DAB1: variants seen among roughly 807,000 people sequenced by gnomAD.
The protein encoded by DAB1 is DAB adaptor protein 1, also known as disabled homolog 1.
A neutral mutation model predicts 64.6 loss-of-function variants in DAB1; 15 were observed. The observed-to-expected ratio is 0.23, with a 90% confidence interval of 0.16 to 0.36. The LOEUF is 0.36. Among genes scored for constraint, DAB1 ranks in the 10% least tolerant of loss-of-function variants. DAB1 has a pLI of 1.00. For synonymous variants in DAB1, 235 were observed against 251.9 expected, an observed-to-expected ratio of 0.93 and a Z score of 0.64; for missense variants, 596 against 706.7, an observed-to-expected ratio of 0.84 and a Z score of 1.78.
chr1:57,289,486 GA>G (rs577152472), intron 2 of DAB1, among the ~76,000 whole-genome samples: 2 of 152,078 alleles, frequency 1.3e-5, no homozygotes, highest in Non-Finnish European at 2.9e-5. Context: ...ATGATGCATA[GA>G]AAACAAGGTT....
At chr1:57,145,472 C>T (rs1024957874) in intron 2 of DAB1, 43 bp from the exon 3 acceptor site, 3 of 1,603,228 alleles carry the variant, frequency 1.9e-6, no homozygotes, top group Non-Finnish European at 1.7e-6. Context: ...GCTGTGCAGA[C>T]CCCAGTGGCT....
chr1:57,343,295 G>C (rs1319401469), intron 1 of DAB1, among the ~76,000 whole-genome samples: 1 of 152,192 alleles, frequency 6.6e-6, no homozygotes, highest in Non-Finnish European at 1.5e-5. Flanking sequence ...CCTTGAGCTA[G>C]ATATAGAGCG....
At chr1:57,442,607 T>G (rs552154346) in intron 7 of DAB1, among the ~76,000 whole-genome samples, 1 of 152,332 alleles carries the variant, frequency 6.6e-6, no homozygotes, top group African/African-American at 2.4e-5. Context: ...TGGCATATTA[T>G]AGAAGATCTG....
At chr1:57,289,522 T>C (rs949761223) in intron 2 of DAB1, among the ~76,000 whole-genome samples, 2 of 152,148 alleles carry the variant, frequency 1.3e-5, no homozygotes, top group African/African-American at 4.8e-5. Context: ...GGGAACAAAA[T>C]AGACTGCCTC....
upstream of DAB1, among the ~76,000 whole-genome samples, chr1:57,885,631 C>CT (rs1225836830): frequency 6.6e-6 from 1 of 152,110 alleles, no homozygotes; most frequent in Non-Finnish European, 1.5e-5. Context: ...TATGTTCTTA[C>CT]TTTTTTTCCA....
chr1:58,495,835 G>C (rs1645791352), intron 3 of DAB1, among the ~76,000 whole-genome samples: 1 of 152,160 alleles, frequency 6.6e-6, no homozygotes, highest in South Asian at 2.1e-4. Context: ...TAGGAGGAAA[G>C]AAATATCTTC....
chr1:57,789,635 C>T (rs1039278037), intron 6 of DAB1, among the ~76,000 whole-genome samples: 1 of 152,258 alleles, frequency 6.6e-6, no homozygotes, highest in Non-Finnish European at 1.5e-5. Context: ...AAGGCTTCAC[C>T]CTTATGACCT....
chr1:58,242,150 T>C (rs1056475984), intron 4 of DAB1, among the ~76,000 whole-genome samples: 3 of 152,200 alleles, frequency 2.0e-5, no homozygotes, highest in African/African-American at 7.2e-5. Context: ...TAATAACATA[T>C]CTAAACCCTT....
intron 4 of DAB1, among the ~76,000 whole-genome samples, chr1:58,172,867 T>C (rs4912308): frequency 1.3e-5 from 2 of 152,326 alleles, no homozygotes; most frequent in East Asian, 3.9e-4. Flanking sequence ...ATAGCAAGTA[T>C]GCTTATCTAA....
intron 3 of DAB1, among the ~76,000 whole-genome samples, chr1:58,387,833 T>C (rs944945705): frequency 1.2e-4 from 18 of 151,112 alleles, no homozygotes; most frequent in African/African-American, 4.4e-4. Flanking sequence ...TTTATGCCAT[T>C]CTCCTGCCTC....
At chr1:57,674,903 C>G (rs1027793132) in intron 6 of DAB1, among the ~76,000 whole-genome samples, 1 of 152,120 alleles carries the variant, frequency 6.6e-6, no homozygotes, top group Non-Finnish European at 1.5e-5. Context: ...GCAAATAATC[C>G]ATTGGCTTCA....
chr1:58,025,511 G>T (rs1171088306), intron 5 of DAB1, among the ~76,000 whole-genome samples: 1 of 150,490 alleles, frequency 6.6e-6, no homozygotes, highest in Admixed American at 6.6e-5. Context: ...TCTTTCTCTT[G>T]TCTCCTATTA....
At chr1:58,347,612 T>A (rs1644013774) in intron 3 of DAB1, among the ~76,000 whole-genome samples, 1 of 152,196 alleles carries the variant, frequency 6.6e-6, no homozygotes, top group Non-Finnish European at 1.5e-5. Context: ...GCTAGGAGCT[T>A]GATATGCAGG....
At chr1:58,328,663 T>C (rs1467958553) in intron 4 of DAB1, among the ~76,000 whole-genome samples, 1 of 152,108 alleles carries the variant, frequency 6.6e-6, no homozygotes, top group African/African-American at 2.4e-5. Flanking sequence ...TGGAATACAG[T>C]GGAGTAATCT....
At chr1:57,447,354 T>C (rs958528569) in intron 7 of DAB1, among the ~76,000 whole-genome samples, 8 of 152,188 alleles carry the variant, frequency 5.3e-5, no homozygotes, top group Admixed American at 3.3e-4. Context: ...CCAGTAACTC[T>C]GATCACCCTC....
At chr1:58,150,645 C>T (rs1387478336) in intron 4 of DAB1, 1 of 147,916 alleles carries the variant, frequency 6.8e-6, no homozygotes, top group Non-Finnish European at 1.5e-5. Context: ...CTGTACCAAA[C>T]ATACTCAAGG....
intron 3 of DAB1, among the ~76,000 whole-genome samples, chr1:58,361,938 C>T (rs1644171679): frequency 8.2e-6 from 1 of 122,482 alleles, no homozygotes; most frequent in African/African-American, 3.1e-5. Flanking sequence ...AGTGTGATTT[C>T]ACTGCAATCT....
intron 6 of DAB1, among the ~76,000 whole-genome samples, chr1:57,667,199 T>C (rs1445257666): frequency 6.6e-6 from 1 of 152,188 alleles, no homozygotes; most frequent in Non-Finnish European, 1.5e-5. Context: ...TTTGCTAAAA[T>C]GATCTTCATT....
intron 5 of DAB1, among the ~76,000 whole-genome samples, chr1:58,051,204 C>A (rs1044848723): frequency 2.1e-4 from 32 of 151,936 alleles, no homozygotes; most frequent in Non-Finnish European, 2.5e-4. Flanking sequence ...CCCCAGCCCC[C>A]CAGCCCCCGA....
Sources: allele counts gnomAD v4.1 joint callset (sites outside exome capture counted in the v4.1 genomes callset), GRCh38; gene constraint gnomAD v4.1.1; transcripts MANE v1.5; gene names NCBI Gene and HGNC (gene_info 2026-07-23, HGNC 2026-07-21).